EPS15: variants seen among roughly 807,000 people sequenced by gnomAD.
EPS15 encodes the protein epidermal growth factor receptor substrate 15.
A neutral mutation model predicts 113.8 loss-of-function variants in EPS15; 72 were observed. The ratio of observed to expected loss-of-function variants is 0.63; its 90% CI spans 0.52 to 0.77. The LOEUF is 0.77. Ranked by LOEUF, EPS15 falls within the 30% of genes least tolerant of loss-of-function variation. The pLI is 0.00. For synonymous variants in EPS15, 344 were observed against 363.4 expected, an observed-to-expected ratio of 0.95 and a Z score of 0.61; for missense variants, 1,048 against 1,045.8, an observed-to-expected ratio of 1.00 and a Z score of -0.03.
rs1646377218 is a variant in EPS15 at position 51,361,207 on chromosome 1, T to G, written c.2508A>C (p.Lys836Asn). 1 of 1,614,084 alleles carries G rather than the reference T, an allele frequency of 6.2e-7. No homozygotes were observed. The highest frequency in any genetic ancestry group is 8.5e-7 in the Non-Finnish European group (1 of 1,179,938). The change falls in exon 24 of 25, where the codon AAA (lysine) becomes AAC (asparagine). Residue 836 changes from lysine to asparagine, a missense_variant. Coordinates refer to ENST00000371733, the MANE Select transcript of EPS15 (RefSeq NM_001981.3). Reference sequence around the variant, plus strand: ...TGGCAAAATTGCTTGGATCAGCCTCTTTATTGGTAGTGGTAGTAGCAGAAG... The same window carrying G: ...TGGCAAAATTGCTTGGATCAGCCTCGTTATTGGTAGTGGTAGTAGCAGAAG... ...PFTSATTTTN[K>N]EADPSNFANF...
intron 8 of EPS15, among the ~76,000 whole-genome samples, chr1:51,448,639 T>C (rs568676867): frequency 3.9e-5 from 6 of 152,284 alleles, no homozygotes; most frequent in Non-Finnish European, 5.9e-5. Flanking sequence ...TTCTACCTAA[T>C]TGGCAAAAAC....
intron 1 of EPS15, among the ~76,000 whole-genome samples, chr1:51,503,440 A>G (rs960487012): frequency 2.0e-5 from 3 of 152,156 alleles, no homozygotes; most frequent in Non-Finnish European, 4.4e-5. Context: ...GTTTGAGACC[A>G]GCCTAGCCAA....
intron 18 of EPS15, chr1:51,401,322 T>C (rs1428002254): frequency 6.2e-6 from 1 of 162,270 alleles, no homozygotes; most frequent in East Asian, 1.7e-4. Context: ...AAATAAATCC[T>C]TACCTTTATG....
intron 16 of EPS15, 36 bp from the exon 17 acceptor site, chr1:51,403,568 C>A: frequency 8.3e-7 from 1 of 1,208,788 alleles, no homozygotes; most frequent in Non-Finnish European, 1.2e-6. Context: ...TAACAATATA[C>A]TTTTTGACAT....
intron 12 of EPS15, chr1:51,423,599 T>C (rs1479688147): frequency 9.1e-6 from 9 of 985,182 alleles, no homozygotes; most frequent in Non-Finnish European, 9.6e-6. Flanking sequence ...TGAAAGTAGA[T>C]AATAACAAAA....
chr1:51,365,250 G>A (rs1312914986), intron 22 of EPS15, among the ~76,000 whole-genome samples: 4 of 152,186 alleles, frequency 2.6e-5, no homozygotes, highest in Non-Finnish European at 4.4e-5. Context: ...GCTCAACATT[G>A]ACATTTCAGG....
intron 6 of EPS15, among the ~76,000 whole-genome samples, chr1:51,464,502 A>G (rs1654708978): frequency 6.6e-6 from 1 of 152,142 alleles, no homozygotes; most frequent in Non-Finnish European, 1.5e-5. Context: ...ACCCTCCCAA[A>G]GTGCTGGGAT....
chr1:51,490,373 GACC>G, intron 1 of EPS15: 1 of 390,204 alleles, frequency 2.6e-6, no homozygotes, highest in South Asian at 1.8e-5. Context: ...AGACCAGCCT[GACC>G]ATCATGGTGA....
intron 7 of EPS15, 26 bp from the exon 8 acceptor site, chr1:51,461,176 G>T: frequency 6.7e-7 from 1 of 1,485,126 alleles, no homozygotes; most frequent in Non-Finnish European, 9.4e-7. Context: ...ATTGAAAAAA[G>T]ATTAATGTTC....
intron 21 of EPS15, among the ~76,000 whole-genome samples, chr1:51,393,525 T>C (rs1276417170): frequency 6.6e-6 from 1 of 152,242 alleles, no homozygotes; most frequent in East Asian, 1.9e-4. Flanking sequence ...TTTCTACTAT[T>C]CTTTTTCTAT....
chr1:51,447,626 G>A (rs1653173976), intron 9 of EPS15, among the ~76,000 whole-genome samples: 1 of 151,906 alleles, frequency 6.6e-6, no homozygotes, highest in Admixed American at 6.6e-5. Context: ...GAGTTAACTA[G>A]GTATTAAACA....
chr1:51,423,858 C>T (rs554063488), intron 12 of EPS15: 148 of 273,186 alleles, frequency 5.4e-4, no homozygotes, highest in African/African-American at 3.1e-3. Flanking sequence ...AAACAGCAAA[C>T]ACAGTCTATG....
chr1:51,423,319 T>C (rs759099008), intron 12 of EPS15: 31 of 1,260,196 alleles, frequency 2.5e-5, no homozygotes, highest in Non-Finnish European at 3.1e-5. Flanking sequence ...CTATTTATCA[T>C]GCAAAGACCA....
intron 4 of EPS15, 127 bp from the exon 5 acceptor site, chr1:51,468,695 G>C: frequency 1.6e-6 from 1 of 627,256 alleles, no homozygotes; most frequent in Non-Finnish European, 2.8e-6. Context: ...GTAGCAACAA[G>C]TAGCATATTT....
chr1:51,436,451 C>A (rs540536091), intron 12 of EPS15, among the ~76,000 whole-genome samples: 2 of 152,204 alleles, frequency 1.3e-5, no homozygotes, highest in East Asian at 3.9e-4. Context: ...AAATTATTTT[C>A]TCATCTATTA....
At chr1:51,358,121 G>A (rs905224109) in intron 24 of EPS15, among the ~76,000 whole-genome samples, 2 of 151,962 alleles carry the variant, frequency 1.3e-5, no homozygotes, top group African/African-American at 4.8e-5. Flanking sequence ...GTTCATCTTG[G>A]CAACATGGCA....
chr1:51,479,307 G>T (rs560943310), intron 2 of EPS15, among the ~76,000 whole-genome samples: 1 of 152,284 alleles, frequency 6.6e-6, no homozygotes, highest in African/African-American at 2.4e-5. Context: ...GCTCCATCAG[G>T]TCATGTAAGG....
chr1:51,478,626 C>T (rs1432949656), intron 2 of EPS15, among the ~76,000 whole-genome samples: 4 of 151,338 alleles, frequency 2.6e-5, no homozygotes, highest in Admixed American at 1.3e-4. Context: ...GTGCTTCCTT[C>T]AGGAGCTCTT....
intron 8 of EPS15, among the ~76,000 whole-genome samples, chr1:51,451,652 T>A (rs1426228362): frequency 1.3e-5 from 2 of 151,670 alleles, no homozygotes; most frequent in Non-Finnish European, 2.9e-5. Flanking sequence ...CTTATATTGA[T>A]TCTTGAACCA....
Sources: gnomAD v4.1 joint callset for allele counts (sites outside exome capture counted in the v4.1 genomes callset) on GRCh38, gnomAD v4.1.1 for gene constraint, MANE v1.5 for transcripts, NCBI Gene and HGNC (gene_info 2026-07-23, HGNC 2026-07-21) for gene names.